Variants in NELL1 observed in about 807,000 individuals in gnomAD.
NELL1 encodes the protein neural EGFL like 1, also known as protein kinase C-binding protein NELL1.
Under a neutral mutation model 107.4 loss-of-function variants are expected in NELL1, and 76 were observed. The ratio of observed to expected loss-of-function variants is 0.71; its 90% CI spans 0.59 to 0.86. The LOEUF is 0.86. Among genes scored for constraint, NELL1 ranks in the 40% least tolerant of loss-of-function variants. NELL1 has a pLI of 0.00. For synonymous variants in NELL1, 353 were observed against 341.2 expected (o/e 1.03, Z -0.38); for missense variants, 1,024 against 1,005.5 (o/e 1.02, Z -0.25).
At chr11:20,703,865 GAGAC>G (rs1361894025) in intron 2 of NELL1, among the ~76,000 whole-genome samples, 1 of 152,218 alleles carries the variant, frequency 6.6e-6, no homozygotes, top group Non-Finnish European at 1.5e-5. Flanking sequence ...TGTGGTCTGA[GAGAC>G]AGTGTGTTAT....
At chr11:21,344,279 G>A (rs982081715) in intron 14 of NELL1, among the ~76,000 whole-genome samples, 2 of 152,184 alleles carry the variant, frequency 1.3e-5, no homozygotes, top group Non-Finnish European at 2.9e-5. Flanking sequence ...AGCTGGTAGA[G>A]AGATTTCAGC....
At chr11:20,741,606 A>G (rs1050126198) in intron 2 of NELL1, among the ~76,000 whole-genome samples, 3 of 152,260 alleles carry the variant, frequency 2.0e-5, no homozygotes, top group African/African-American at 4.8e-5. Flanking sequence ...TAATCCTAAG[A>G]ACTTTTCAGA....
At chr11:21,264,381 A>G (rs1565136781) in intron 14 of NELL1, among the ~76,000 whole-genome samples, 1 of 151,872 alleles carries the variant, frequency 6.6e-6, no homozygotes, top group African/African-American at 2.4e-5. Flanking sequence ...ACAAGCCTTG[A>G]ATATGGTGCC....
At chr11:20,991,990 G>GTAAA (rs769434874) in intron 12 of NELL1, among the ~76,000 whole-genome samples, 6,897 of 66,064 alleles carry the variant, frequency 0.1, 234 homozygotes, top group Non-Finnish European at 0.14. Flanking sequence ...AGTGTAGCAT[G>GTAAA]CAAAAAAAAA....
intron 15 of NELL1, among the ~76,000 whole-genome samples, chr11:21,476,670 T>C (rs1854341525): frequency 6.6e-6 from 1 of 152,098 alleles, no homozygotes; most frequent in African/African-American, 2.4e-5. Context: ...AACTTCATAT[T>C]ACTGAAAAAG....
chr11:20,714,650 T>A (rs1855197464), intron 2 of NELL1, among the ~76,000 whole-genome samples: 1 of 151,900 alleles, frequency 6.6e-6, no homozygotes, highest in African/African-American at 2.4e-5. Context: ...GTCTCCTGAG[T>A]GGCTAGGACC....
chr11:21,303,092 ATATCTATATCTATATC>A (rs1386224825), intron 14 of NELL1, among the ~76,000 whole-genome samples: 4 of 151,168 alleles, frequency 2.6e-5, no homozygotes, highest in Admixed American at 2.6e-4. Context: ...ATCTATATCT[ATATCTATATCTATATC>A]TATATCTATC....
At chr11:21,316,187 G>C (rs1849877476) in intron 14 of NELL1, among the ~76,000 whole-genome samples, 1 of 151,846 alleles carries the variant, frequency 6.6e-6, no homozygotes, top group African/African-American at 2.4e-5. Flanking sequence ...CTAAATCCCT[G>C]ATTTTTAAAG....
intron 5 of NELL1, 71 bp from the exon 6 acceptor site, chr11:20,918,111 T>C: frequency 1.2e-6 from 1 of 840,402 alleles, no homozygotes; most frequent in Admixed American, 1.8e-5. Flanking sequence ...GCCAAGAGTA[T>C]GTGATTGCAT....
chr11:21,271,180 T>C (rs1848731705), intron 14 of NELL1, among the ~76,000 whole-genome samples: 1 of 151,686 alleles, frequency 6.6e-6, no homozygotes, highest in African/African-American at 2.4e-5. Context: ...AGGAAATCAA[T>C]AGAGAAAATT....
At chr11:20,690,761 T>C (rs946316329) in intron 2 of NELL1, among the ~76,000 whole-genome samples, 5 of 151,972 alleles carry the variant, frequency 3.3e-5, no homozygotes, top group Non-Finnish European at 7.4e-5. Context: ...GACTTGGCGA[T>C]GTGGGCTCTT....
intron 14 of NELL1, among the ~76,000 whole-genome samples, chr11:21,309,611 T>C (rs192822573): frequency 2.0e-5 from 3 of 152,122 alleles, no homozygotes; most frequent in Non-Finnish European, 4.4e-5. Flanking sequence ...TTCATGCTAC[T>C]GATAAAGACA....
chr11:20,927,178 C>A, intron 7 of NELL1, 130 bp from the exon 8 acceptor site: 2 of 752,622 alleles, frequency 2.7e-6, no homozygotes, highest in African/African-American at 1.8e-5. Flanking sequence ...ACAGATAATG[C>A]TAAGAATCAG....
chr11:21,149,389 G>A (rs780881479), intron 13 of NELL1, among the ~76,000 whole-genome samples: 1 of 152,198 alleles, frequency 6.6e-6, no homozygotes, highest in South Asian at 2.1e-4. Flanking sequence ...GGCTGGGGAG[G>A]CCTCACAATC....
intron 15 of NELL1, among the ~76,000 whole-genome samples, chr11:21,376,459 T>C (rs1422052599): frequency 6.6e-6 from 1 of 152,172 alleles, no homozygotes; most frequent in Non-Finnish European, 1.5e-5. Context: ...CCATATAATA[T>C]AGTTTGTTGT....
At chr11:20,881,864 C>T (rs1256734709) in intron 4 of NELL1, among the ~76,000 whole-genome samples, 1 of 152,204 alleles carries the variant, frequency 6.6e-6, no homozygotes, top group East Asian at 1.9e-4. Flanking sequence ...CCATAGCCAG[C>T]ACAGCACAGC....
chr11:20,810,070 T>A (rs1438154698), intron 3 of NELL1, among the ~76,000 whole-genome samples: 1 of 152,148 alleles, frequency 6.6e-6, no homozygotes, highest in African/African-American at 2.4e-5. Flanking sequence ...CTCATTGTAG[T>A]TTTAATTTGT....
intron 15 of NELL1, among the ~76,000 whole-genome samples, chr11:21,522,857 T>G (rs1293291859): frequency 1.4e-5 from 2 of 141,854 alleles, no homozygotes; most frequent in African/African-American, 2.6e-5. Context: ...TTTTTTTTTT[T>G]TGAGACGGAG....
intron 5 of NELL1, among the ~76,000 whole-genome samples, chr11:20,907,230 C>G (rs1389568139): frequency 2.3e-4 from 3 of 12,882 alleles, no homozygotes; most frequent in Admixed American, 1.2e-3. Flanking sequence ...GTGACTCCAT[C>G]TCAAAAAAAA....
Sources: gnomAD v4.1 joint callset for allele counts (sites outside exome capture counted in the v4.1 genomes callset) on GRCh38, gnomAD v4.1.1 for gene constraint, MANE v1.5 for transcripts, NCBI Gene and HGNC (gene_info 2026-07-23, HGNC 2026-07-21) for gene names.